Variants in COL4A6 observed in about 807,000 individuals in gnomAD.
COL4A6 encodes the protein collagen alpha-6(IV) chain.
In COL4A6, 59 loss-of-function variants were observed where a neutral mutation model predicts 126.7. That is an observed-to-expected ratio of 0.47 (90% CI 0.38 to 0.58). COL4A6 has a LOEUF of 0.58. COL4A6 is among the 20% of genes least tolerant of loss of function. The pLI is 0.00. For missense variants in COL4A6, 1,285 were observed against 1,337.3 expected (o/e 0.96, Z 0.61); for synonymous variants, 547 against 496.6 (o/e 1.10, Z -1.35).
chrX:108,305,888 GC>G (rs1264144651), intron 3 of COL4A6, among the ~76,000 whole-genome samples: 1 of 112,048 alleles, frequency 8.9e-6, no homozygotes, highest in African/African-American at 3.3e-5. Context: ...TGTTTATGGT[GC>G]CAGTGAAATC....
intron 2 of COL4A6, among the ~76,000 whole-genome samples, chrX:108,314,261 G>A (rs976590403): frequency 1.1e-4 from 12 of 111,314 alleles, no homozygotes; most frequent in South Asian, 7.7e-4. Context: ...AAGAAGTATT[G>A]GTCTAATCCA....
chrX:108,319,091 T>G (rs2038956418), intron 2 of COL4A6, among the ~76,000 whole-genome samples: 1 of 109,695 alleles, frequency 9.1e-6, no homozygotes, highest in South Asian at 4.0e-4. Flanking sequence ...AGCCAAGGGG[T>G]TAGGTGTGGT....
intron 29 of COL4A6, 136 bp downstream of exon 29, chrX:108,175,518 G>A: frequency 2.8e-6 from 2 of 718,314 alleles, no homozygotes; most frequent in Non-Finnish European, 4.1e-6. Flanking sequence ...GGTTTAAAAG[G>A]ACTTAATTCA....
At chrX:108,158,283 T>A (rs1407549723) in intron 44 of COL4A6, among the ~76,000 whole-genome samples, 1 of 112,915 alleles carries the variant, frequency 8.9e-6, no homozygotes, top group Non-Finnish European at 1.9e-5. Context: ...GCCCGTAGAA[T>A]CCTTGGGCCT....
At chrX:108,219,976 G>A (rs369538712) in intron 4 of COL4A6, among the ~76,000 whole-genome samples, 1 of 110,461 alleles carries the variant, frequency 9.1e-6, no homozygotes, top group South Asian at 4.0e-4. Flanking sequence ...GAGTATAGTC[G>A]AGGTTTTAAA....
At chrX:108,382,366 TACC>T (rs2040577110) in intron 2 of COL4A6, among the ~76,000 whole-genome samples, 5 of 111,716 alleles carry the variant, frequency 4.5e-5, no homozygotes, top group African/African-American at 1.6e-4. Flanking sequence ...ATAAAACACT[TACC>T]ACAGTGCCTG....
At chrX:108,285,122 A>G (rs930288309) in intron 3 of COL4A6, among the ~76,000 whole-genome samples, 1 of 111,770 alleles carries the variant, frequency 8.9e-6, no homozygotes, top group Non-Finnish European at 1.9e-5. Context: ...CTGGGTGCCC[A>G]GTGGGAAATC....
At chrX:108,368,031 T>G (rs1282514487) in intron 2 of COL4A6, among the ~76,000 whole-genome samples, 3 of 110,154 alleles carry the variant, frequency 2.7e-5, no homozygotes, top group African/African-American at 9.9e-5. Flanking sequence ...TTTTTTTTCA[T>G]TAGTATATTT....
chrX:108,188,734 A>G, intron 20 of COL4A6, 57 bp from the exon 21 acceptor site: 2 of 1,018,161 alleles, frequency 2.0e-6, no homozygotes, highest in Non-Finnish European at 2.6e-6. Flanking sequence ...AGAAGAATAA[A>G]GAATTGATCA....
rs753481608 is a variant in COL4A6, at chrX:108,302,708, G to C, written c.144+8040C>G. ...GGCCCCAAGGACACCCCTCCATCTT[G>C]TGGAGCCCCCACTCTTCCCTCAGGA... On this transcript the variant is annotated intron_variant, in intron 3 of 44. Coordinates refer to ENST00000334504, the MANE Select transcript of COL4A6 (RefSeq NM_033641.4). Among the ~76,000 whole-genome samples, 13 of 110,693 alleles carry C rather than the reference G, an allele frequency of 1.2e-4. No individual in the cohort carries two copies. The South Asian group carries it at 5.1e-3, about 44-fold the overall frequency.
chrX:108,261,190 C>T (rs2037150210), intron 3 of COL4A6, among the ~76,000 whole-genome samples: 2 of 111,735 alleles, frequency 1.8e-5, no homozygotes, highest in Admixed American at 1.9e-4. Flanking sequence ...ATTAATAAAA[C>T]AAAATGAAAT....
At chrX:108,422,571 T>G (rs2063999280) in intron 2 of COL4A6, among the ~76,000 whole-genome samples, 1 of 110,965 alleles carries the variant, frequency 9.0e-6, no homozygotes, top group South Asian at 3.8e-4. Context: ...CACATAGAAA[T>G]GTATAGAGAG....
intron 3 of COL4A6, among the ~76,000 whole-genome samples, chrX:108,225,043 C>T (rs1256732458): frequency 3.5e-5 from 1 of 28,956 alleles, no homozygotes; most frequent in East Asian, 6.6e-4. Context: ...ATACATGGGG[C>T]GGGGGGCGGG....
At chrX:108,409,977 C>T (rs1353338350) in intron 2 of COL4A6, among the ~76,000 whole-genome samples, 1 of 111,804 alleles carries the variant, frequency 8.9e-6, no homozygotes, top group Non-Finnish European at 1.9e-5. Flanking sequence ...CTCCTCCTAT[C>T]ATCCAGGAAA....
chrX:108,310,963 A>G, intron 2 of COL4A6, 135 bp from the exon 3 acceptor site: 1 of 485,446 alleles, frequency 2.1e-6, no homozygotes, highest in Non-Finnish European at 3.5e-6. Context: ...GTCAGTAGTC[A>G]AATGAAATAA....
intron 2 of COL4A6, among the ~76,000 whole-genome samples, chrX:108,325,574 C>T (rs1401558498): frequency 9.0e-6 from 1 of 111,568 alleles, no homozygotes; most frequent in Non-Finnish European, 1.9e-5. Flanking sequence ...CCCAGAAAAT[C>T]GAAGATGAGG....
chrX:108,171,106 G>A (rs2034286910), intron 33 of COL4A6, among the ~76,000 whole-genome samples, 189 bp from the exon 34 acceptor site: 1 of 112,452 alleles, frequency 8.9e-6, no homozygotes, highest in Admixed American at 9.4e-5. Flanking sequence ...TTTGTTATGA[G>A]TATCCCTTCA....
intron 2 of COL4A6, among the ~76,000 whole-genome samples, chrX:108,384,732 G>A (rs1192033102): frequency 1.8e-5 from 2 of 111,916 alleles, no homozygotes; most frequent in African/African-American, 6.5e-5. Flanking sequence ...TAAAGGAAAC[G>A]TAAATGTCGA....
intron 3 of COL4A6, among the ~76,000 whole-genome samples, chrX:108,238,315 G>A (rs2036488740): frequency 9.2e-6 from 1 of 108,879 alleles, no homozygotes; most frequent in Non-Finnish European, 1.9e-5. Context: ...CACCATCTTC[G>A]CCAGGTTGGT....
Sources: gnomAD v4.1 joint callset for allele counts (sites outside exome capture counted in the v4.1 genomes callset) on GRCh38, gnomAD v4.1.1 for gene constraint, MANE v1.5 for transcripts, NCBI Gene and HGNC (gene_info 2026-07-23, HGNC 2026-07-21) for gene names.